The following PCDH15 variants were observed in gnomAD, a reference collection of about 807,000 sequenced individuals.
PCDH15 encodes the protein protocadherin-15.
PCDH15 carries 129 observed loss-of-function variants against 178.5 expected under a neutral mutation model. The ratio of observed to expected loss-of-function variants is 0.72; its 90% confidence interval spans 0.63 to 0.84. The LOEUF is 0.84. Ranked by LOEUF, PCDH15 falls within the 40% of genes least tolerant of loss-of-function variation. PCDH15 has a pLI of 0.00. For synonymous variants in PCDH15, 800 were observed against 732.0 expected (o/e 1.09, Z -1.50); for missense variants, 2,230 against 2,099.9 (o/e 1.06, Z -1.21).
intron 3 of PCDH15, among the ~76,000 whole-genome samples, chr10:54,523,082 T>C (rs974369152): frequency 2.4e-4 from 36 of 152,134 alleles, no homozygotes; most frequent in South Asian, 2.1e-4. Flanking sequence ...TTCCAATGTG[T>C]CCTGAGGTAC....
chr10:54,192,982 C>A (rs913834034), intron 11 of PCDH15, among the ~76,000 whole-genome samples: 5 of 152,156 alleles, frequency 3.3e-5, no homozygotes, highest in African/African-American at 9.7e-5. Flanking sequence ...ATGAAACTCA[C>A]AATGTTATAC....
chr10:54,485,369 T>A (rs536065463), intron 3 of PCDH15, among the ~76,000 whole-genome samples: 1 of 151,960 alleles, frequency 6.6e-6, no homozygotes, highest in Non-Finnish European at 1.5e-5. Context: ...ATTGAGCCTC[T>A]TTTCCTTTTG....
chr10:55,359,841 T>A (rs1845186454), intron 2 of PCDH15, among the ~76,000 whole-genome samples: 1 of 151,078 alleles, frequency 6.6e-6, no homozygotes, highest in East Asian at 1.9e-4. Context: ...TTGGTGACAA[T>A]CTAGATGAAC....
chr10:54,856,694 G>T (rs1461368258), intron 3 of PCDH15, among the ~76,000 whole-genome samples: 1 of 152,116 alleles, frequency 6.6e-6, no homozygotes, highest in Non-Finnish European at 1.5e-5. Flanking sequence ...TTGGGTTCCA[G>T]TATTTCAGTC....
chr10:55,318,004 A>G (rs1843772550), intron 1 of PCDH15, among the ~76,000 whole-genome samples: 1 of 152,328 alleles, frequency 6.6e-6, no homozygotes, highest in Admixed American at 6.5e-5. Context: ...TCGTCTACAT[A>G]AAGTCTTAGT....
chr10:54,067,018 T>C, intron 17 of PCDH15, 133 bp from the exon 18 acceptor site: 1 of 730,700 alleles, frequency 1.4e-6, no homozygotes, highest in Non-Finnish European at 2.0e-6. Context: ...TTCCAAAAAA[T>C]AAAAATAAAA....
At chr10:55,021,955 C>T (rs1591840270) in intron 2 of PCDH15, among the ~76,000 whole-genome samples, 1 of 151,996 alleles carries the variant, frequency 6.6e-6, no homozygotes, top group African/African-American at 2.4e-5. Context: ...ACCTCATAAT[C>T]TCAGTCGCAT....
At chr10:54,466,371 G>C (rs1220759811) in intron 3 of PCDH15, among the ~76,000 whole-genome samples, 1 of 151,714 alleles carries the variant, frequency 6.6e-6, no homozygotes. Context: ...GAGAAATAAG[G>C]GTCCTTTTCA....
At chr10:55,433,273 AAAG>A (rs1351464541) in intron 2 of PCDH15, among the ~76,000 whole-genome samples, 1 of 152,188 alleles carries the variant, frequency 6.6e-6, no homozygotes, top group African/African-American at 2.4e-5. Context: ...CAATCGTAAT[AAAG>A]AAGAAGAACA....
intron 2 of PCDH15, among the ~76,000 whole-genome samples, chr10:54,578,003 G>A (rs988047962): frequency 2.0e-5 from 3 of 152,106 alleles, no homozygotes; most frequent in Non-Finnish European, 4.4e-5. Flanking sequence ...GGATTAAATT[G>A]TATAACATTG....
chr10:55,570,568 G>T (rs1842389756), intron 2 of PCDH15, among the ~76,000 whole-genome samples: 1 of 151,816 alleles, frequency 6.6e-6, no homozygotes, highest in Non-Finnish European at 1.5e-5. Context: ...GAGAAATATG[G>T]CTTGATATTC....
At chr10:54,376,018 T>TGGCCC (rs1282316381) in intron 4 of PCDH15, among the ~76,000 whole-genome samples, 1 of 151,376 alleles carries the variant, frequency 6.6e-6, no homozygotes. Flanking sequence ...CCTCAGCCTC[T>TGGCCC]ACAGTAGCTG....
At chr10:55,098,604 G>A (rs1290665445) in intron 2 of PCDH15, among the ~76,000 whole-genome samples, 1 of 151,754 alleles carries the variant, frequency 6.6e-6, no homozygotes, top group African/African-American at 2.4e-5. Flanking sequence ...TTTCAGTAAG[G>A]AGAAGACAAT....
At chr10:54,785,898 C>A (rs185911318) in intron 1 of PCDH15, among the ~76,000 whole-genome samples, 1 of 151,862 alleles carries the variant, frequency 6.6e-6, no homozygotes, top group Non-Finnish European at 1.5e-5. Context: ...GCCATCAGCA[C>A]CCCCTTCTCT....
intron 3 of PCDH15, among the ~76,000 whole-genome samples, chr10:54,404,108 A>G (rs576469462): frequency 6.6e-6 from 1 of 152,052 alleles, no homozygotes; most frequent in East Asian, 1.9e-4. Context: ...AGAACTAGAA[A>G]AGGCTATTTT....
At chr10:55,511,091 T>G (rs1840875256) in intron 2 of PCDH15, among the ~76,000 whole-genome samples, 1 of 151,480 alleles carries the variant, frequency 6.6e-6, no homozygotes, top group South Asian at 2.1e-4. Context: ...CAGGGTGGTC[T>G]CAAACTCCTG....
At chr10:54,435,468 A>G (rs2075319205) in intron 3 of PCDH15, among the ~76,000 whole-genome samples, 1 of 152,202 alleles carries the variant, frequency 6.6e-6, no homozygotes, top group East Asian at 1.9e-4. Context: ...TGCCTGGACT[A>G]TATTGCAGAC....
intron 8 of PCDH15, among the ~76,000 whole-genome samples, chr10:54,280,992 T>C (rs1169784846): frequency 6.6e-6 from 1 of 151,942 alleles, no homozygotes; most frequent in African/African-American, 2.4e-5. Flanking sequence ...TTCTAACTTA[T>C]CTATGTGTGT....
chr10:53,945,248 C>T (rs1662064123), intron 23 of PCDH15, among the ~76,000 whole-genome samples: 1 of 152,078 alleles, frequency 6.6e-6, no homozygotes, highest in Non-Finnish European at 1.5e-5. Flanking sequence ...TATACTTCCT[C>T]CCAGAAAAGT....
Sources: gnomAD v4.1 joint callset for allele counts (sites outside exome capture counted in the v4.1 genomes callset) on GRCh38, gnomAD v4.1.1 for gene constraint, MANE v1.5 for transcripts, NCBI Gene and HGNC (gene_info 2026-07-23, HGNC 2026-07-21) for gene names.